The following CADM1 variants were observed in gnomAD, a reference collection of about 807,000 sequenced individuals.
The protein encoded by CADM1 is TSLC-1.
In CADM1, 15 loss-of-function variants were observed where a neutral mutation model predicts 53.1. That is an observed-to-expected ratio of 0.28 (90% CI 0.19 to 0.44). The LOEUF is 0.44. CADM1 is among the 20% of genes least tolerant of loss of function. The pLI is 1.00. For missense variants in CADM1, 434 were observed against 611.3 expected (o/e 0.71, Z 3.06); for synonymous variants, 281 against 243.0 (o/e 1.16, Z -1.45).
At position 115,469,797 on chromosome 11, in the gene CADM1, G is replaced by A. The variant is rs541276156; in HGVS notation, c.124+34474C>T. ...AGAGATTCTCCTGCCTCAGCCTCCC[G>A]AGAAGCTGGGATTACAGGCACCCGC... is the stretch of plus-strand genomic sequence containing the variant. On this transcript the variant is annotated intron_variant, in intron 1 of 11. Coordinates refer to ENST00000331581, the MANE Select transcript of CADM1 (RefSeq NM_001301043.2). Among the ~76,000 whole-genome samples, 15 of 146,808 alleles carry A rather than the reference G, an allele frequency of 1.0e-4. No individual in the cohort carries two copies. In the South Asian group the frequency reaches 1.8e-3, roughly 18 times the overall value.
At chr11:115,266,269 G>C (rs1943136691) in intron 1 of CADM1, among the ~76,000 whole-genome samples, 1 of 152,232 alleles carries the variant, frequency 6.6e-6, no homozygotes, top group Non-Finnish European at 1.5e-5. Context: ...AGGTGGCTTT[G>C]ACAGATGTTA....
chr11:115,176,640 G>A, intron 11 of CADM1, 48 bp from the exon 12 acceptor site: 3 of 1,485,556 alleles, frequency 2.0e-6, no homozygotes, highest in Non-Finnish European at 2.8e-6. Flanking sequence ...TGGCCTCTGT[G>A]TAAAGTGGTA....
rs1460782000 is a variant in CADM1 at position 115,283,327 on chromosome 11, T to C, written c.125-42907A>G. 2.0e-5 allele frequency among the ~76,000 whole-genome samples: 3 copies of C among 152,168 alleles called. No homozygotes were observed. The South Asian group carries it at 6.2e-4, about 32-fold the overall frequency. The stretch of plus-strand genomic sequence containing the variant: ...AGGATAGGTTGGTAGAAGGAAGTCA[T>C]GTTGCTGCCCAAGAACCCAGGGCCA... On this transcript the variant is annotated intron_variant, in intron 1 of 11. Transcript: ENST00000331581.
At chr11:115,480,283 C>G (rs930347252) in intron 1 of CADM1, among the ~76,000 whole-genome samples, 2 of 152,030 alleles carry the variant, frequency 1.3e-5, no homozygotes, top group African/African-American at 2.4e-5. Context: ...TCCCAGTGTA[C>G]AAAATGGGAA....
chr11:115,373,128 T>G (rs1172375117), intron 1 of CADM1, among the ~76,000 whole-genome samples: 2 of 152,210 alleles, frequency 1.3e-5, no homozygotes, highest in Non-Finnish European at 2.9e-5. Context: ...GGGCAGAGCC[T>G]TAGTTGTGAG....
chr11:115,481,174 C>T (rs1949250676), intron 1 of CADM1, among the ~76,000 whole-genome samples: 1 of 152,198 alleles, frequency 6.6e-6, no homozygotes, highest in Non-Finnish European at 1.5e-5. Context: ...GTGTCTACAG[C>T]ATGCTTCCTA....
intron 1 of CADM1, among the ~76,000 whole-genome samples, chr11:115,473,657 T>C (rs1949064520): frequency 6.6e-6 from 1 of 152,164 alleles, no homozygotes; most frequent in Non-Finnish European, 1.5e-5. Context: ...CAAATTTCAA[T>C]GTATACCTAA....
chr11:115,305,751 G>A (rs1944347677), intron 1 of CADM1, among the ~76,000 whole-genome samples: 1 of 151,530 alleles, frequency 6.6e-6, no homozygotes, highest in South Asian at 2.1e-4. Context: ...ATTCAAAAAG[G>A]TGAAGCACCA....
chr11:115,303,172 C>G (rs1565353333), intron 1 of CADM1, among the ~76,000 whole-genome samples: 1 of 152,026 alleles, frequency 6.6e-6, no homozygotes, highest in African/African-American at 2.4e-5. Context: ...ACCTTAAATC[C>G]TGTCCTCCTT....
chr11:115,417,378 G>T (rs1001303939), intron 1 of CADM1, among the ~76,000 whole-genome samples: 1 of 152,212 alleles, frequency 6.6e-6, no homozygotes, highest in African/African-American at 2.4e-5. Context: ...CTTATCCTCA[G>T]TGGATAACTT....
intron 9 of CADM1, 45 bp from the exon 10 acceptor site, chr11:115,190,986 A>C (rs1939829704): frequency 1.3e-6 from 2 of 1,492,702 alleles, no homozygotes; most frequent in Middle Eastern, 3.4e-4. Context: ...TCCTCGAGGG[A>C]CATAAACAAA....
rs138834211 is a variant in CADM1 at position 115,256,654 on chromosome 11, G to A, written c.125-16234C>T. ...GACTTCAATTTGTTTCAGTTTTCCA[G>A]TAAACTTTTTTTCTGGTTGGAGGTG... is the stretch of plus-strand genomic sequence containing the variant. On this transcript the variant is annotated intron_variant, in intron 1 of 11. Transcript: ENST00000331581. Among the ~76,000 whole-genome samples the A allele has an allele frequency of 2.6e-3, 399 of 152,292 alleles. 2 individuals carry two copies. The highest frequency in any genetic ancestry group is 4.3e-3 in the Non-Finnish European group (290 of 68,016).
intron 1 of CADM1, among the ~76,000 whole-genome samples, chr11:115,369,054 A>AAAAAAAAAT (rs869051427): frequency 1.4e-5 from 2 of 145,386 alleles, no homozygotes; most frequent in Non-Finnish European, 3.0e-5. Flanking sequence ...AAAAAAAAAA[A>AAAAAAAAAT]TTAGGTAAGC....
chr11:115,299,614 C>A (rs2135131578), intron 1 of CADM1, among the ~76,000 whole-genome samples: 1 of 152,218 alleles, frequency 6.6e-6, no homozygotes, highest in East Asian at 1.9e-4. Context: ...AGTTGCACTG[C>A]TTTATTATTT....
intron 1 of CADM1, among the ~76,000 whole-genome samples, chr11:115,463,416 C>G (rs1160232867): frequency 6.6e-6 from 1 of 152,196 alleles, no homozygotes; most frequent in Admixed American, 6.5e-5. Context: ...CCATTCACCT[C>G]TGGTTTAAAG....
chr11:115,392,721 C>T (rs1017760122), intron 1 of CADM1, among the ~76,000 whole-genome samples: 1 of 152,018 alleles, frequency 6.6e-6, no homozygotes, highest in Non-Finnish European at 1.5e-5. Context: ...CATTTCCAGC[C>T]AGGAGGAAGG....
At chr11:115,214,444 A>G in intron 7 of CADM1, 164 bp downstream of exon 7, 1 of 667,832 alleles carries the variant, frequency 1.5e-6, no homozygotes, top group Non-Finnish European at 2.7e-6. Flanking sequence ...TCACTATCCC[A>G]GGTGGAGACA....
intron 1 of CADM1, among the ~76,000 whole-genome samples, chr11:115,435,499 G>A (rs866576651): frequency 6.6e-6 from 1 of 152,086 alleles, no homozygotes; most frequent in Non-Finnish European, 1.5e-5. Context: ...TTGGGAGGCC[G>A]AGGCAGGCAG....
At chr11:115,189,820 G>C (rs1268298976) in intron 10 of CADM1, among the ~76,000 whole-genome samples, 1 of 152,136 alleles carries the variant, frequency 6.6e-6, no homozygotes, top group African/African-American at 2.4e-5. Flanking sequence ...CCAGTCTGTA[G>C]AAAAATAAAT....
Sources: gnomAD v4.1 joint callset for allele counts (sites outside exome capture counted in the v4.1 genomes callset) on GRCh38, gnomAD v4.1.1 for gene constraint, MANE v1.5 for transcripts, NCBI Gene and HGNC (gene_info 2026-07-23, HGNC 2026-07-21) for gene names.